The following PCDHA2 variants were observed in gnomAD, a reference collection of about 807,000 sequenced individuals.
PCDHA2 encodes the protein protocadherin alpha-2.
Under a neutral mutation model 66.0 loss-of-function variants are expected in PCDHA2, and 58 were observed. That is an observed-to-expected ratio of 0.88 (90% CI 0.71 to 1.09). PCDHA2 has a LOEUF of 1.09. Among genes scored for constraint, PCDHA2 ranks in the 50% least tolerant of loss-of-function variants. The pLI is 0.00. For synonymous variants in PCDHA2, 634 were observed against 554.0 expected (o/e 1.14, Z -2.03); for missense variants, 1,267 against 1,242.3 (o/e 1.02, Z -0.30).
chr5:140,825,591 T>A (rs1280614684), intron 1 of PCDHA2: 1 of 151,790 alleles, frequency 6.6e-6, no homozygotes, highest in African/African-American at 2.4e-5. Context: ...CCTGGCTAAT[T>A]TTTTGTATTT....
chr5:140,858,325 G>A, intron 1 of PCDHA2: 1 of 1,596,768 alleles, frequency 6.3e-7, no homozygotes, highest in Non-Finnish European at 8.6e-7. Context: ...TGTGTTCTGG[G>A]GAGGGCCTGC....
At chr5:140,803,000 A>G (rs782428262) in intron 1 of PCDHA2, 8 of 1,613,894 alleles carry the variant, frequency 5.0e-6, no homozygotes, top group African/African-American at 4.0e-5. Context: ...ATGCAGACTC[A>G]GGCTACAACG....
intron 1 of PCDHA2, chr5:140,860,476 G>A (rs1456923557): frequency 3.9e-5 from 6 of 152,106 alleles, no homozygotes; most frequent in Non-Finnish European, 8.8e-5. Context: ...TGGTGCAGTA[G>A]TACTTTATTT....
intron 1 of PCDHA2, among the ~76,000 whole-genome samples, chr5:140,855,480 A>G (rs567213059): frequency 6.7e-6 from 1 of 149,976 alleles, no homozygotes; most frequent in South Asian, 2.1e-4. Context: ...GATGCTTGAC[A>G]TTAGTGTCTA....
intron 1 of PCDHA2, among the ~76,000 whole-genome samples, chr5:140,827,788 C>A (rs781936968): frequency 6.6e-6 from 1 of 152,100 alleles, no homozygotes; most frequent in African/African-American, 2.4e-5. Context: ...TAACACTGAC[C>A]GTGCAAATTA....
chr5:140,884,886 A>G (rs1261353977), intron 1 of PCDHA2, among the ~76,000 whole-genome samples: 1 of 152,220 alleles, frequency 6.6e-6, no homozygotes, highest in Non-Finnish European at 1.5e-5. Flanking sequence ...CAAAACAAGA[A>G]TATTTTGTTT....
At chr5:140,863,351 C>T in intron 1 of PCDHA2, 1 of 1,288,680 alleles carries the variant, frequency 7.8e-7, no homozygotes, top group Non-Finnish European at 1.1e-6. Context: ...CTGTACACGA[C>T]GCTGCGGTGC....
At chr5:140,991,590 G>A (rs1211923014) in intron 3 of PCDHA2, among the ~76,000 whole-genome samples, 2 of 152,098 alleles carry the variant, frequency 1.3e-5, no homozygotes, top group Non-Finnish European at 2.9e-5. Context: ...ATTTCTACCT[G>A]AGCCCTCACT....
In PCDHA2 at chr5:140,967,909, C is replaced by T. The variant is rs140881563; in HGVS notation, c.2389-11040C>T. The T allele has an allele frequency of 5.0e-5, 81 of 1,614,206 alleles. No individual in the cohort carries two copies. In the African/African-American group the frequency reaches 9.1e-4, roughly 18 times the overall value. ...CAGTGCCTGAGAATGCTACACCCAACACCATTGTGGCCGTTCTCAGTGTCA... is the reference window on the plus strand; with the variant it reads ...CAGTGCCTGAGAATGCTACACCCAATACCATTGTGGCCGTTCTCAGTGTCA... On this transcript the variant is annotated intron_variant, in intron 1 of 3. Coordinates refer to ENST00000526136, the MANE Select transcript of PCDHA2 (RefSeq NM_018905.3).
At chr5:140,983,184 T>C (rs1367703446) in intron 3 of PCDHA2, among the ~76,000 whole-genome samples, 2 of 152,192 alleles carry the variant, frequency 1.3e-5, no homozygotes, top group Non-Finnish European at 2.9e-5. Flanking sequence ...CACAATTTCT[T>C]AGTTTAGAGG....
intron 1 of PCDHA2, chr5:140,836,319 C>G (rs577271797): frequency 1.2e-6 from 2 of 1,613,720 alleles, no homozygotes; most frequent in Middle Eastern, 1.6e-4. Context: ...ACCGCGCCAC[C>G]GCCTTCTGGT....
intron 2 of PCDHA2, among the ~76,000 whole-genome samples, chr5:140,981,379 G>A (rs1387904235): frequency 1.3e-5 from 2 of 152,152 alleles, no homozygotes; most frequent in Admixed American, 1.3e-4. Flanking sequence ...TTCAAGACCA[G>A]CCTGGTCAAT....
intron 1 of PCDHA2, chr5:140,805,198 C>A (rs1160602413): frequency 6.9e-7 from 1 of 1,448,348 alleles, no homozygotes; most frequent in Non-Finnish European, 9.1e-7. Context: ...TATTGAATAG[C>A]TACCAAATAA....
At chr5:140,991,420 A>G (rs1413227137) in intron 3 of PCDHA2, among the ~76,000 whole-genome samples, 2 of 152,234 alleles carry the variant, frequency 1.3e-5, no homozygotes, top group Admixed American at 6.5e-5. Flanking sequence ...GCTATAACAA[A>G]TTAACCATAA....
At chr5:140,955,233 T>A (rs1554221819) in intron 1 of PCDHA2, among the ~76,000 whole-genome samples, 1 of 152,198 alleles carries the variant, frequency 6.6e-6, no homozygotes, top group African/African-American at 2.4e-5. Flanking sequence ...TTTGTTCTTT[T>A]GCTTAGGATC....
chr5:140,932,406 T>C (rs1235222855), intron 1 of PCDHA2, among the ~76,000 whole-genome samples: 1 of 151,924 alleles, frequency 6.6e-6, no homozygotes, highest in East Asian at 1.9e-4. Flanking sequence ...CATACCAATG[T>C]TATATTAGTG....
intron 3 of PCDHA2, among the ~76,000 whole-genome samples, chr5:140,997,912 A>G (rs2097790316): frequency 6.6e-6 from 1 of 152,224 alleles, no homozygotes; most frequent in Admixed American, 6.5e-5. Flanking sequence ...GTAGAATTAC[A>G]GAATCATAGG....
chr5:140,893,048 T>C (rs1462017776), intron 1 of PCDHA2, among the ~76,000 whole-genome samples: 1 of 152,250 alleles, frequency 6.6e-6, no homozygotes, highest in Non-Finnish European at 1.5e-5. Flanking sequence ...CCCTCCAGGC[T>C]CAGCCATACT....
intron 1 of PCDHA2, chr5:140,877,927 A>C: frequency 7.1e-7 from 1 of 1,416,192 alleles, no homozygotes; most frequent in South Asian, 1.6e-5. Flanking sequence ...TTTCTTTATG[A>C]TTCTATCCTT....
Sources: allele counts gnomAD v4.1 joint callset (sites outside exome capture counted in the v4.1 genomes callset), GRCh38; gene constraint gnomAD v4.1.1; transcripts MANE v1.5; gene names NCBI Gene and HGNC (gene_info 2026-07-23, HGNC 2026-07-21).